FYN: variants seen among roughly 807,000 people sequenced by gnomAD.
FYN encodes tyrosine-protein kinase Fyn.
FYN carries 10 observed loss-of-function variants against 70.2 expected under a neutral mutation model. That is an observed-to-expected ratio of 0.14 (90% confidence interval 0.09 to 0.24). The LOEUF is 0.24. FYN is among the 10% of genes least tolerant of loss of function. The pLI is 1.00. For missense variants in FYN, 319 were observed against 673.1 expected (o/e 0.47, Z 5.82); for synonymous variants, 236 against 248.6 (o/e 0.95, Z 0.48).
intron 2 of FYN, among the ~76,000 whole-genome samples, chr6:111,844,034 G>A (rs1773445510): frequency 6.6e-6 from 1 of 152,170 alleles, no homozygotes; most frequent in African/African-American, 2.4e-5. Context: ...ATGGGAAGGG[G>A]AAAGCTCTGA....
chr6:111,862,618 T>C (rs1389929774), intron 1 of FYN, among the ~76,000 whole-genome samples: 1 of 152,068 alleles, frequency 6.6e-6, no homozygotes, highest in Non-Finnish European at 1.5e-5. Flanking sequence ...GGGAGCGGCA[T>C]ATGTGGGGCC....
chr6:111,754,335 G>C (rs1802617963), intron 3 of FYN: 1 of 152,148 alleles, frequency 6.6e-6, no homozygotes, highest in Non-Finnish European at 1.5e-5. Context: ...TGCACAGTAG[G>C]GCACCTCTCC....
chr6:111,771,931 T>C (rs1231240324), intron 3 of FYN, among the ~76,000 whole-genome samples: 1 of 149,550 alleles, frequency 6.7e-6, no homozygotes, highest in African/African-American at 2.5e-5. Context: ...ACTGTAGTAG[T>C]GGGGGCAGGG....
At chr6:111,710,546 T>C (rs1800321007) in intron 5 of FYN, among the ~76,000 whole-genome samples, 1 of 152,226 alleles carries the variant, frequency 6.6e-6, no homozygotes, top group African/African-American at 2.4e-5. Context: ...ATGAGAAAGA[T>C]AAAATCCTTG....
chr6:111,833,404 T>C (rs566250064), intron 2 of FYN, among the ~76,000 whole-genome samples: 1 of 152,354 alleles, frequency 6.6e-6, no homozygotes, highest in East Asian at 1.9e-4. Context: ...AAAAGCTTTA[T>C]TAGGATCCAT....
intron 3 of FYN, among the ~76,000 whole-genome samples, chr6:111,722,404 T>A (rs1243153962): frequency 6.6e-6 from 1 of 152,250 alleles, no homozygotes; most frequent in Non-Finnish European, 1.5e-5. Context: ...CTAAAGGAAT[T>A]TCATCATTTG....
chr6:111,817,540 C>T (rs1301805761), intron 2 of FYN, among the ~76,000 whole-genome samples: 2 of 152,176 alleles, frequency 1.3e-5, no homozygotes, highest in Non-Finnish European at 2.9e-5. Context: ...CATGCTATTT[C>T]ACTGGTTTGA....
chr6:111,855,199 TTTTCA>T (rs573209009), intron 1 of FYN, among the ~76,000 whole-genome samples: 13 of 152,220 alleles, frequency 8.5e-5, no homozygotes, highest in Non-Finnish European at 1.8e-4. Context: ...ATAATATTTT[TTTTCA>T]TTTATCTCAT....
intron 2 of FYN, among the ~76,000 whole-genome samples, chr6:111,806,670 A>G (rs1433711243): frequency 6.6e-6 from 1 of 152,168 alleles, no homozygotes; most frequent in African/African-American, 2.4e-5. Context: ...GGTGAGGTAA[A>G]TTATTACCAA....
intron 2 of FYN, among the ~76,000 whole-genome samples, chr6:111,834,018 G>A (rs1172922203): frequency 1.3e-5 from 2 of 152,192 alleles, no homozygotes; most frequent in Non-Finnish European, 2.9e-5. Context: ...TCATGCATCA[G>A]TAGGAATGAA....
intron 13 of FYN, among the ~76,000 whole-genome samples, chr6:111,662,236 G>A (rs1009123960): frequency 6.6e-6 from 1 of 152,294 alleles, no homozygotes; most frequent in South Asian, 2.1e-4. Flanking sequence ...TAGAAAAGGC[G>A]CAACTACATC....
intron 2 of FYN, among the ~76,000 whole-genome samples, chr6:111,802,260 CCTCTTG>C (rs1772010978): frequency 6.6e-6 from 1 of 151,952 alleles, no homozygotes; most frequent in Non-Finnish European, 1.5e-5. Context: ...CTCTCCTCTT[CCTCTTG>C]CTCTGGCCAT....
intron 9 of FYN, 112 bp from the exon 10 acceptor site, chr6:111,696,568 A>G: frequency 3.6e-6 from 3 of 829,632 alleles, no homozygotes; most frequent in Non-Finnish European, 5.3e-6. Context: ...AACACTTAAT[A>G]CAGTTTTTGT....
At chr6:111,828,618 C>A (rs1332000880) in intron 2 of FYN, among the ~76,000 whole-genome samples, 1 of 152,106 alleles carries the variant, frequency 6.6e-6, no homozygotes, top group Non-Finnish European at 1.5e-5. Flanking sequence ...CATAGATTAA[C>A]CTGGAGGACA....
At chr6:111,730,197 G>A (rs987468697) in intron 3 of FYN, among the ~76,000 whole-genome samples, 1 of 152,130 alleles carries the variant, frequency 6.6e-6, no homozygotes, top group Admixed American at 6.5e-5. Context: ...TGCTGGGAGT[G>A]GGCGGTGAGT....
intron 2 of FYN, among the ~76,000 whole-genome samples, chr6:111,834,899 A>T (rs1441262901): frequency 6.6e-6 from 1 of 151,916 alleles, no homozygotes; most frequent in Non-Finnish European, 1.5e-5. Flanking sequence ...AGACCTACCC[A>T]TCTCTCAGAC....
At chr6:111,772,750 T>C (rs769197334) in intron 3 of FYN, among the ~76,000 whole-genome samples, 1 of 151,852 alleles carries the variant, frequency 6.6e-6, no homozygotes, top group Non-Finnish European at 1.5e-5. Flanking sequence ...CACAGCGAAC[T>C]TGAACTTTTC....
At chr6:111,866,569 T>C (rs1774113477) in intron 1 of FYN, among the ~76,000 whole-genome samples, 1 of 152,208 alleles carries the variant, frequency 6.6e-6, no homozygotes, top group Non-Finnish European at 1.5e-5. Flanking sequence ...CTTGAACTCC[T>C]GACCTCAGGT....
At chr6:111,823,364 T>A (rs1254285368) in intron 2 of FYN, among the ~76,000 whole-genome samples, 2 of 152,114 alleles carry the variant, frequency 1.3e-5, no homozygotes, top group Non-Finnish European at 2.9e-5. Context: ...AATCTGCATT[T>A]AAAAAAATGT....
Sources: allele counts gnomAD v4.1 joint callset (sites outside exome capture counted in the v4.1 genomes callset), GRCh38; gene constraint gnomAD v4.1.1; transcripts MANE v1.5; gene names NCBI Gene and HGNC (gene_info 2026-07-23, HGNC 2026-07-21).